The following TFPI variants were observed in gnomAD, a reference collection of about 807,000 sequenced individuals.
TFPI encodes the protein anti-convertin.
Under a neutral mutation model 34.6 loss-of-function variants are expected in TFPI, and 15 were observed. The observed-to-expected ratio is 0.43, with a 90% CI of 0.29 to 0.67. TFPI has a LOEUF of 0.67. Ranked by LOEUF, TFPI falls within the 30% of genes least tolerant of loss-of-function variation. The pLI is 0.15. For synonymous variants in TFPI, 105 were observed against 120.1 expected (o/e 0.87, Z 0.82); for missense variants, 301 against 364.0 (o/e 0.83, Z 1.41).
rs538791542 is a variant in TFPI at position 187,471,761 on chromosome 2, G to T, written c.629-3829C>A. Among the ~76,000 whole-genome samples the T allele has an allele frequency of 2.4e-4, 36 of 151,732 alleles. No homozygotes were observed. The South Asian group carries it at 6.4e-3, about 27-fold the overall frequency. ...CAGGTAAAGTTGTTAATGTAAATTT[G>T]CTTTGAGATTTGTACAGTAAACTTT... is the stretch of plus-strand genomic sequence containing the variant. On this transcript the variant is annotated intron_variant, in intron 6 of 7. Coordinates refer to ENST00000233156, the MANE Select transcript of TFPI (RefSeq NM_006287.6).
At chr2:187,485,342 A>G (rs538219466) in intron 4 of TFPI, among the ~76,000 whole-genome samples, 1 of 151,880 alleles carries the variant, frequency 6.6e-6, no homozygotes, top group Non-Finnish European at 1.5e-5. Context: ...GTGTATTAAC[A>G]TTTAGGGAAG....
intron 1 of TFPI, among the ~76,000 whole-genome samples, chr2:187,522,224 T>C (rs1207704445): frequency 6.6e-6 from 1 of 152,174 alleles, no homozygotes; most frequent in Non-Finnish European, 1.5e-5. Flanking sequence ...GATGTAATCT[T>C]GTCTATTTTT....
Position 187,464,629 on chromosome 2 carries a change from T to C in TFPI, c.*2307A>G, listed in dbSNP as rs2105932974. ...TATTTACCACTTCACCTAAGTAGAC[T>C]TTCCCACTCATTTGAAGCTATTGCT... is the stretch of plus-strand genomic sequence containing the variant. On this transcript the variant is annotated 3_prime_UTR_variant, in exon 8 of 8. Transcript: ENST00000233156. The C allele has an allele frequency of 6.6e-6, 1 of 152,304 alleles. No homozygotes were observed. The highest frequency in any genetic ancestry group is 2.1e-4 in the South Asian group (1 of 4,828). 9.4% of individuals were successfully genotyped at this position (152,304 alleles called of 1,614,324 possible). A position where few individuals can be genotyped will look rare whatever the true frequency, so the allele number is the denominator to read the frequency against.
At chr2:187,476,006 T>C (rs8176544) in intron 6 of TFPI, among the ~76,000 whole-genome samples, 1,762 of 152,282 alleles carry the variant, frequency 0.012, 41 homozygotes, top group African/African-American at 0.039. Context: ...TATGTCATCA[T>C]ACAAGGAGGC....
Position 187,488,201 on chromosome 2 carries a change from A to G in TFPI, c.358+136T>C, listed in dbSNP as rs1693428982. On this transcript the variant is annotated intron_variant, in intron 4 of 7. Coordinates refer to ENST00000233156, the MANE Select transcript of TFPI (RefSeq NM_006287.6). ...CTCTTTTATGGATTTTTTTAAATCA[A>G]TCTCAGAGAAACTTAAGAATTGAAT... 7 of 593,308 alleles carry G rather than the reference A, an allele frequency of 1.2e-5. No individual in the cohort carries two copies. In the South Asian group the frequency reaches 1.6e-4, roughly 13 times the overall value. 36.8% of individuals were successfully genotyped at this position (593,308 alleles called of 1,614,324 possible).
At chr2:187,528,569 A>G (rs1171649816) in intron 1 of TFPI, among the ~76,000 whole-genome samples, 1 of 152,184 alleles carries the variant, frequency 6.6e-6, no homozygotes, top group East Asian at 1.9e-4. Context: ...TGCTCTGTAG[A>G]TGCCATTTTA....
chr2:187,464,994 A>C lies in TFPI; in HGVS notation c.*1942T>G, dbSNP rs553979319. 6.6e-6 allele frequency: 1 copy of C among 152,328 alleles called. No homozygotes were observed. Among genetic ancestry groups the C allele is most frequent in the Admixed American group, 6.5e-5 (1 of 15,286 alleles). 9.4% of individuals were successfully genotyped at this position (152,328 alleles called of 1,614,324 possible). A position where few individuals can be genotyped will look rare whatever the true frequency, so the allele number is the denominator to read the frequency against. On this transcript the variant is annotated 3_prime_UTR_variant, in exon 8 of 8. Transcript: ENST00000233156. The stretch of plus-strand genomic sequence containing the variant: ...ACAGGAAATCAGTGTGAATTAGCTG[A>C]GTAATTAACATTCAGTGTACAGTGA...
chr2:187,492,454 C>G (rs537426684), intron 3 of TFPI, among the ~76,000 whole-genome samples: 238 of 152,282 alleles, frequency 1.6e-3, no homozygotes, highest in African/African-American at 5.6e-3. Flanking sequence ...TTTCTCAACA[C>G]CATTTATTGA....
At chr2:187,525,487 T>A (rs1020457905) in intron 1 of TFPI, among the ~76,000 whole-genome samples, 2 of 152,072 alleles carry the variant, frequency 1.3e-5, no homozygotes, top group Non-Finnish European at 2.9e-5. Flanking sequence ...CAGCTCTTCC[T>A]TTCTTTTTTA....
In TFPI at chr2:187,481,458, A is replaced by G. The variant is rs566755256; in HGVS notation, c.628+2666T>C. Among the ~76,000 whole-genome samples, 40 of 152,234 alleles carry G rather than the reference A, an allele frequency of 2.6e-4. No individual in the cohort carries two copies. The South Asian group carries it at 7.5e-3, about 28-fold the overall frequency. ...AGTGACAAGGGGTCATCTAGGTTTT[A>G]GAACAGAGTACAGGGACATCTGCAT... On this transcript the variant is annotated intron_variant, in intron 6 of 7. Transcript: ENST00000233156.
rs990254565 is a variant in TFPI at position 187,546,597 on chromosome 2, G to T, written c.-3+7603C>A. The T allele has an allele frequency of 5.3e-5, 8 of 151,988 alleles. No individual in the cohort carries two copies. In the East Asian group the frequency reaches 1.2e-3, roughly 22 times the overall value. The allele number at this position is 151,988 out of a possible 1,614,324, so 9.4% of individuals were successfully genotyped here. Reference sequence around the variant, plus strand: ...TTTTTGGCATGAGAGGAAAAAAAAAGAATAATATATTAAATGTGTATTTCT... The same window carrying T: ...TTTTTGGCATGAGAGGAAAAAAAAATAATAATATATTAAATGTGTATTTCT... On this transcript the variant is annotated intron_variant, in intron 1 of 7. Coordinates refer to ENST00000233156, the MANE Select transcript of TFPI (RefSeq NM_006287.6).
At position 187,472,991 on chromosome 2, in the gene TFPI, T is replaced by A. The variant is rs575718625; in HGVS notation, c.629-5059A>T. Among the ~76,000 whole-genome samples, 5 of 151,948 alleles carry A rather than the reference T, an allele frequency of 3.3e-5. 1 individual carries two copies. The East Asian group carries it at 9.7e-4, about 29-fold the overall frequency. ...TTGAGCCACTGCACTTCAGCCTGGG[T>A]AACAGAACAAGACTCCATCTCGAAA... On this transcript the variant is annotated intron_variant, in intron 6 of 7. Transcript: ENST00000233156.
At chr2:187,532,564 C>T (rs1270613827) in intron 1 of TFPI, among the ~76,000 whole-genome samples, 1 of 152,246 alleles carries the variant, frequency 6.6e-6, no homozygotes, top group African/African-American at 2.4e-5. Context: ...ACAACGCTTT[C>T]CCCATGGTCT....
intron 4 of TFPI, among the ~76,000 whole-genome samples, chr2:187,486,096 C>G (rs969118353): frequency 6.6e-6 from 1 of 151,600 alleles, no homozygotes; most frequent in African/African-American, 2.4e-5. Flanking sequence ...TTTTAAAAGT[C>G]TATTTTCTGT....
At chr2:187,549,736 G>T (rs1689026485) in intron 1 of TFPI, among the ~76,000 whole-genome samples, 1 of 152,008 alleles carries the variant, frequency 6.6e-6, no homozygotes, top group South Asian at 2.1e-4. Context: ...CAAACTAAAA[G>T]TTACAGGCTC....
intron 1 of TFPI, among the ~76,000 whole-genome samples, chr2:187,545,996 G>T (rs1688839121): frequency 6.6e-6 from 1 of 151,972 alleles, no homozygotes; most frequent in African/African-American, 2.4e-5. Flanking sequence ...GAGATCATTA[G>T]AAAATTAAGA....
intron 1 of TFPI, among the ~76,000 whole-genome samples, chr2:187,546,288 T>G (rs1393746738): frequency 6.6e-6 from 1 of 151,836 alleles, no homozygotes; most frequent in African/African-American, 2.4e-5. Context: ...GTAAGTTTTT[T>G]TTTTTTTTTT....
intron 1 of TFPI, chr2:187,515,092 C>G (rs1686908263): frequency 6.6e-6 from 1 of 152,168 alleles, no homozygotes; most frequent in African/African-American, 2.4e-5. Flanking sequence ...GGGGCCCTGG[C>G]TGGGGCCAGT....
chr2:187,475,256 T>C (rs79213300), intron 6 of TFPI, among the ~76,000 whole-genome samples: 2 of 152,306 alleles, frequency 1.3e-5, no homozygotes, highest in East Asian at 1.9e-4. Context: ...GTTGAAAATA[T>C]AGGTGTATAT....
Sources: allele counts gnomAD v4.1 joint callset (sites outside exome capture counted in the v4.1 genomes callset), GRCh38; gene constraint gnomAD v4.1.1; transcripts MANE v1.5; gene names NCBI Gene and HGNC (gene_info 2026-07-23, HGNC 2026-07-21).